PCM1: variants seen among roughly 807,000 people sequenced by gnomAD.
The protein encoded by PCM1 is pericentriolar material 1 protein.
A neutral mutation model predicts 241.9 loss-of-function variants in PCM1; 157 were observed. That is an observed-to-expected ratio of 0.65 (90% CI 0.57 to 0.74). The LOEUF is 0.74. Among genes scored for constraint, PCM1 ranks in the 30% least tolerant of loss-of-function variants. The probability of loss-of-function intolerance (pLI) is 0.00; values close to 1 mark genes in which losing one functional copy is unlikely to be tolerated. For missense variants in PCM1, 3,478 were observed against 2,360.1 expected, an observed-to-expected ratio of 1.47 and a Z score of -9.81; for synonymous variants, 1,085 against 784.9, an observed-to-expected ratio of 1.38 and a Z score of -6.39.
At chr8:17,950,116 T>C (rs1473264001) in intron 7 of PCM1, among the ~76,000 whole-genome samples, 1 of 152,182 alleles carries the variant, frequency 6.6e-6, no homozygotes, top group Non-Finnish European at 1.5e-5. Flanking sequence ...GCTTTTACCT[T>C]GTAAAAGCAG....
chr8:17,939,619 T>C, intron 5 of PCM1, 72 bp from the exon 6 acceptor site: 1 of 756,462 alleles, frequency 1.3e-6, no homozygotes, highest in Non-Finnish European at 2.0e-6. Flanking sequence ...CTGTTGCTAT[T>C]GAACTAATTA....
chr8:17,980,871 TTTA>T lies in PCM1; in HGVS notation c.4108+118_4108+120del. On this transcript the variant is annotated intron_variant, in intron 24 of 38. Coordinates refer to ENST00000325083, the MANE Select transcript of PCM1 (RefSeq NM_006197.4). ...CACACGTATCTATCATGTGGAAGGT[TTTA>T]TAGTGGAAATTATAGTACACATTCC... is the stretch of plus-strand genomic sequence containing the variant. The T allele has an allele frequency of 4.4e-6, 3 of 683,680 alleles. No homozygotes were observed. The South Asian group carries it at 7.0e-5, about 16-fold the overall frequency. The allele number at this position is 683,680 out of a possible 1,614,324, so 42.4% of individuals were successfully genotyped here.
intron 5 of PCM1, among the ~76,000 whole-genome samples, chr8:17,939,274 G>A (rs2061341840): frequency 6.6e-6 from 1 of 152,102 alleles, no homozygotes. Flanking sequence ...TTAGTAAAGG[G>A]GGATTGGAAG....
chr8:17,987,396 T>C (rs141797600), intron 26 of PCM1, among the ~76,000 whole-genome samples: 210 of 151,980 alleles, frequency 1.4e-3, no homozygotes, highest in African/African-American at 4.8e-3. Context: ...TTCACTTTTA[T>C]CCAAGTTTCA....
chr8:17,951,701 A>G (rs1425794143), intron 8 of PCM1, among the ~76,000 whole-genome samples: 1 of 152,218 alleles, frequency 6.6e-6, no homozygotes, highest in Non-Finnish European at 1.5e-5. Flanking sequence ...AAAAACATGT[A>G]GAGAATGGTA....
intron 23 of PCM1, among the ~76,000 whole-genome samples, chr8:17,979,739 A>C (rs1204974509): frequency 6.6e-6 from 1 of 152,162 alleles, no homozygotes; most frequent in Non-Finnish European, 1.5e-5. Context: ...ATTAATACAT[A>C]CTTTTAATTT....
intron 31 of PCM1, 42 bp downstream of exon 31, chr8:18,009,786 A>G (rs1486181658): frequency 1.7e-6 from 2 of 1,195,994 alleles, no homozygotes; most frequent in African/African-American, 3.1e-5. Flanking sequence ...ATTGACACAT[A>G]AATACAGTTC....
intron 29 of PCM1, among the ~76,000 whole-genome samples, chr8:17,999,901 A>C (rs1326631656): frequency 6.6e-6 from 1 of 152,104 alleles, no homozygotes; most frequent in Admixed American, 6.6e-5. Flanking sequence ...ACTTAATGCC[A>C]GGTTTGGCAG....
At chr8:18,026,018 G>A (rs2094166402) in intron 38 of PCM1, among the ~76,000 whole-genome samples, 1 of 151,432 alleles carries the variant, frequency 6.6e-6, no homozygotes, top group South Asian at 2.1e-4. Context: ...CAAAAAATCA[G>A]CCAAGCGCGG....
intron 26 of PCM1, among the ~76,000 whole-genome samples, chr8:17,986,643 G>C (rs1485111927): frequency 6.6e-6 from 1 of 151,738 alleles, no homozygotes. Flanking sequence ...CCTCCAAATA[G>C]CACTTAGCAC....
At position 17,941,675 on chromosome 8, in the gene PCM1, G is replaced by A. The variant is rs566732276; in HGVS notation, c.783+1814G>A. 1.2e-4 allele frequency among the ~76,000 whole-genome samples: 19 copies of A among 152,146 alleles called. 1 individual carries two copies. The South Asian group carries it at 3.1e-3, about 25-fold the overall frequency. ...GAGGCATCTTTTAGTCTGAGAATTC[G>A]GCCGTGCATTGAGGACAAACTAGGG... On this transcript the variant is annotated intron_variant, in intron 6 of 38. Transcript: ENST00000325083.
At chr8:17,991,806 G>A in intron 28 of PCM1, 106 bp downstream of exon 28, 1 of 777,774 alleles carries the variant, frequency 1.3e-6, no homozygotes. Flanking sequence ...CCCATCGCCT[G>A]AGCAGTATAC....
At chr8:17,928,639 TTTTTTA>T in intron 2 of PCM1, among the ~76,000 whole-genome samples, 1 of 141,064 alleles carries the variant, frequency 7.1e-6, no homozygotes. Context: ...TTTTTTTTTT[TTTTTTA>T]AAGTGAGGCG....
intron 4 of PCM1, among the ~76,000 whole-genome samples, chr8:17,938,262 A>T (rs1005464894): frequency 6.6e-6 from 1 of 152,108 alleles, no homozygotes; most frequent in African/African-American, 2.4e-5. Context: ...ACGCGTCAAA[A>T]CTTTGTTTCG....
In PCM1 at chr8:17,949,589, G is replaced by A. The variant is rs540139276; in HGVS notation, c.962-1026G>A. The stretch of plus-strand genomic sequence containing the variant: ...CTTGGCTCACTGCAGCCTCTGCCTC[G>A]CAGGTTCAAGTGATTCTCTCACCCC... On this transcript the variant is annotated intron_variant, in intron 7 of 38. Coordinates refer to ENST00000325083, the MANE Select transcript of PCM1 (RefSeq NM_006197.4). Among the ~76,000 whole-genome samples, 8 of 150,050 alleles carry A rather than the reference G, an allele frequency of 5.3e-5. No homozygotes were observed. The East Asian group carries it at 9.8e-4, about 18-fold the overall frequency.
At chr8:17,925,047 A>C (rs1276518461) in intron 2 of PCM1, 1 of 152,224 alleles carries the variant, frequency 6.6e-6, no homozygotes, top group Admixed American at 6.5e-5. Context: ...ATTTGTCTTC[A>C]CAGAATTTTT....
intron 23 of PCM1, among the ~76,000 whole-genome samples, chr8:17,974,836 CAGTG>C (rs1031397793): frequency 4.7e-5 from 7 of 150,090 alleles, no homozygotes; most frequent in African/African-American, 1.5e-4. Context: ...GACCATCTGT[CAGTG>C]AGTGCCCCAC....
At chr8:17,937,747 C>G (rs1036659090) in intron 4 of PCM1, among the ~76,000 whole-genome samples, 6 of 151,994 alleles carry the variant, frequency 3.9e-5, no homozygotes, top group Admixed American at 2.0e-4. Flanking sequence ...GCTGGGTTAC[C>G]TCAAGTTTAG....
At chr8:17,996,608 T>G (rs935048385) in intron 29 of PCM1, among the ~76,000 whole-genome samples, 8 of 152,172 alleles carry the variant, frequency 5.3e-5, no homozygotes, top group Non-Finnish European at 1.2e-4. Flanking sequence ...TTGATCTTTA[T>G]TATTTCTTCT....
Sources: allele counts gnomAD v4.1 joint callset (sites outside exome capture counted in the v4.1 genomes callset), GRCh38; gene constraint gnomAD v4.1.1; transcripts MANE v1.5; gene names NCBI Gene and HGNC (gene_info 2026-07-23, HGNC 2026-07-21).